The following PGAM1 variants were observed in gnomAD, a reference collection of about 807,000 sequenced individuals.
PGAM1 encodes phosphoglycerate mutase 1, also known as BPG-dependent PGAM 1.
In PGAM1, 21 loss-of-function variants were observed where a neutral mutation model predicts 23.5. The ratio of observed to expected loss-of-function variants is 0.89; its 90% CI spans 0.63 to 1.29. PGAM1 has a LOEUF of 1.29. PGAM1 is among the 50% of genes most tolerant of loss of function. The pLI is 0.00. For synonymous variants in PGAM1, 109 were observed against 128.6 expected (o/e 0.85, Z 1.03); for missense variants, 232 against 336.3 (o/e 0.69, Z 2.42).
At chr10:97,429,845 T>C (rs1055571982) in intron 1 of PGAM1, among the ~76,000 whole-genome samples, 5 of 151,884 alleles carry the variant, frequency 3.3e-5, no homozygotes, top group African/African-American at 9.7e-5. Context: ...TAAGTGACAA[T>C]TCCCAGTCTG....
chr10:97,429,224 C>G (rs1040916890), intron 1 of PGAM1, among the ~76,000 whole-genome samples: 5 of 151,778 alleles, frequency 3.3e-5, no homozygotes, highest in Middle Eastern at 6.8e-3. Context: ...CTGCCTCAGC[C>G]TCCTGAGTAG....
At position 97,427,625 on chromosome 10, in the gene PGAM1, G is replaced by A. The variant is rs1281920255; in HGVS notation, c.139+1179G>A. On this transcript the variant is annotated intron_variant, in intron 1 of 3. Transcript: ENST00000334828. ...AAGGACGCTGGGCAAAGGTGGAAGT[G>A]GCTGTGAGATAATGCTTGCCTATCC... The A allele has an allele frequency of 5.1e-6, 6 of 1,182,340 alleles. No individual in the cohort carries two copies. The Admixed American group carries it at 2.2e-4, about 44-fold the overall frequency. The allele number at this position is 1,182,340 out of a possible 1,614,324, so 73.2% of individuals were successfully genotyped here.
chr10:97,430,265 CT>C (rs112283346), intron 1 of PGAM1, 113 bp from the exon 2 acceptor site: 1 of 1,314,304 alleles, frequency 7.6e-7, no homozygotes, highest in Non-Finnish European at 1.1e-6. Flanking sequence ...CAAATATTTT[CT>C]TTTTTGGCCA....
chr10:97,428,666 C>A (rs184958431), intron 1 of PGAM1, among the ~76,000 whole-genome samples: 1 of 152,198 alleles, frequency 6.6e-6, no homozygotes, highest in Non-Finnish European at 1.5e-5. Flanking sequence ...GTATTCACTT[C>A]CGGGTGTCTC....
intron 2 of PGAM1, 39 bp from the exon 3 acceptor site, chr10:97,430,916 C>T: frequency 6.2e-7 from 1 of 1,612,478 alleles, no homozygotes; most frequent in African/African-American, 1.3e-5. Flanking sequence ...ACAGATGTAA[C>T]TCTTAATAAG....
At chr10:97,427,751 T>G in intron 1 of PGAM1, 1 of 1,281,134 alleles carries the variant, frequency 7.8e-7, no homozygotes, top group Non-Finnish European at 1.0e-6. Flanking sequence ...ACTGAAGAGG[T>G]GCTTCCGCTG....
intron 1 of PGAM1, 135 bp from the exon 2 acceptor site, chr10:97,430,244 A>G (rs1364730037): frequency 9.2e-7 from 1 of 1,089,240 alleles, no homozygotes; most frequent in Non-Finnish European, 1.4e-6. Context: ...AGGATAAACA[A>G]AACAGTTGGC....
intron 3 of PGAM1, among the ~76,000 whole-genome samples, chr10:97,431,503 A>G (rs1845471556): frequency 6.6e-6 from 1 of 152,198 alleles, no homozygotes; most frequent in Non-Finnish European, 1.5e-5. Context: ...TAGCTTGCCA[A>G]GCACAGTGGC....
chr10:97,431,454 T>C (rs529821399), intron 3 of PGAM1, among the ~76,000 whole-genome samples: 2 of 152,260 alleles, frequency 1.3e-5, no homozygotes, highest in East Asian at 1.9e-4. Context: ...CACCTCTAGA[T>C]TGGTATTGTC....
intron 1 of PGAM1, among the ~76,000 whole-genome samples, chr10:97,429,946 C>T (rs1206947985): frequency 6.7e-6 from 1 of 149,866 alleles, no homozygotes; most frequent in Non-Finnish European, 1.5e-5. Context: ...ACTTGGGAGG[C>T]TGAGGAGAAG....
At position 97,429,092 on chromosome 10, in the gene PGAM1, C is replaced by CTTTTTTTT. The variant is rs888329236; in HGVS notation, c.140-1269_140-1262dup. Among the ~76,000 whole-genome samples, 25 of 84,766 alleles carry CTTTTTTTT rather than the reference C, an allele frequency of 2.9e-4. 2 individuals carry two copies. The highest frequency in any genetic ancestry group is 6.1e-4 in the Admixed American group (4 of 6,544). The allele number at this position is 84,766 out of a possible 152,430, so 55.6% of individuals were successfully genotyped here. On this transcript the variant is annotated intron_variant, in intron 1 of 3. Coordinates refer to ENST00000334828, the MANE Select transcript of PGAM1 (RefSeq NM_002629.4). ...GAAACAAAATCAATAAGACTGATTC[C>CTTTTTTTT]TTTTTTTTTTTTTTTTTTTTTTTTT...
At chr10:97,427,407 G>A in intron 1 of PGAM1, 1 of 1,007,164 alleles carries the variant, frequency 9.9e-7, no homozygotes. Flanking sequence ...AATGATTCGA[G>A]TTGCTCCTTC....
At chr10:97,427,789 C>T in intron 1 of PGAM1, 1 of 1,288,986 alleles carries the variant, frequency 7.8e-7, no homozygotes, top group Non-Finnish European at 1.0e-6. Flanking sequence ...TCCTTTGCTC[C>T]CTTCTAACCT....
rs1217027413 is a variant in PGAM1, at chr10:97,432,567, C to A, written c.*43C>A. 8.2e-6 allele frequency: 9 copies of A among 1,104,070 alleles called. No homozygotes were observed. Among genetic ancestry groups the A allele is most frequent in the Non-Finnish European group, 1.4e-6 (1 of 735,984 alleles). 68.4% of individuals were successfully genotyped at this position (1,104,070 alleles called of 1,614,324 possible). ...ACTGTCCCCAGGAGCACCCTCCCTG[C>A]CCGTCTTGTCCCTCTGCCCCTCCCA... is the stretch of plus-strand genomic sequence containing the variant. On this transcript the variant is annotated 3_prime_UTR_variant, in exon 4 of 4. Transcript: ENST00000334828.
intron 3 of PGAM1, among the ~76,000 whole-genome samples, chr10:97,431,806 T>G (rs535557291): frequency 1.3e-5 from 2 of 152,134 alleles, no homozygotes; most frequent in East Asian, 1.9e-4. Context: ...GGAGATCGCT[T>G]GAGCCCAGCA....
In PGAM1 at chr10:97,432,570, G is replaced by A. The variant is rs747868063; in HGVS notation, c.*46G>A. ...GTCCCCAGGAGCACCCTCCCTGCCC[G>A]TCTTGTCCCTCTGCCCCTCCCACCT... On this transcript the variant is annotated 3_prime_UTR_variant, in exon 4 of 4. Transcript: ENST00000334828. 17 of 1,112,894 alleles carry A rather than the reference G, an allele frequency of 1.5e-5. No homozygotes were observed. Among genetic ancestry groups the A allele is most frequent in the Middle Eastern group, 2.9e-4 (1 of 3,444 alleles). The allele number at this position is 1,112,894 out of a possible 1,614,324, so 68.9% of individuals were successfully genotyped here.
Position 97,426,202 on chromosome 10 carries a change from C to A in PGAM1, c.-106C>A. On this transcript the variant is annotated 5_prime_UTR_variant, in exon 1 of 4. Coordinates refer to ENST00000334828, the MANE Select transcript of PGAM1 (RefSeq NM_002629.4). ...GGAAAGATTTGGGCGAGAACTTGCG[C>A]GGGAGCCGGACTGAGCGGTGCGAGC... 2 of 1,538,972 alleles carry A rather than the reference C, an allele frequency of 1.3e-6. No homozygotes were observed. Among genetic ancestry groups the A allele is most frequent in the Non-Finnish European group, 1.8e-6 (2 of 1,122,796 alleles).
rs759786062 is a variant in PGAM1 at position 97,430,624 on chromosome 10, G to C, written c.385G>C (p.Asp129His). The change falls in exon 2 of 4, where the codon GAC (aspartate) becomes CAC (histidine). Residue 129 changes from aspartate (D) to histidine (H), a missense_variant. Asp to His is a moderately conservative substitution (Grantham distance 81). Transcript: ENST00000334828. ...YDVPPPPMEPDHPFYSNISKD... is the reference protein window; with the variant it reads ...YDVPPPPMEPHHPFYSNISKD... ...TGTCCCACCACCTCCGATGGAGCCC[G>C]ACCATCCTTTCTACAGCAACATCAG... 1 of 1,602,816 alleles carries C rather than the reference G, an allele frequency of 6.2e-7. No homozygotes were observed. The highest frequency in any genetic ancestry group is 8.5e-7 in the Non-Finnish European group (1 of 1,179,982).
In PGAM1 at chr10:97,430,661, C is replaced by T. The variant is rs1350860340; in HGVS notation, c.414+8C>T. ...TACAGCAACATCAGTAAGGTATGGACAAACAGAGGTTTGGTCACTCCGCCC... is the reference window on the plus strand; with the variant it reads ...TACAGCAACATCAGTAAGGTATGGATAAACAGAGGTTTGGTCACTCCGCCC... On this transcript the variant is annotated splice_region_variant and intron_variant, in intron 2 of 3. Transcript: ENST00000334828. 3.1e-6 allele frequency: 5 copies of T among 1,602,802 alleles called. No individual in the cohort carries two copies. The Admixed American group carries it at 5.0e-5, about 16-fold the overall frequency.
Sources: gnomAD v4.1 joint callset for allele counts (sites outside exome capture counted in the v4.1 genomes callset) on GRCh38, gnomAD v4.1.1 for gene constraint, MANE v1.5 for transcripts, NCBI Gene and HGNC (gene_info 2026-07-23, HGNC 2026-07-21) for gene names.